Variants in TENM3 observed in about 807,000 individuals in gnomAD.
TENM3 encodes teneurin-3.
TENM3 carries 63 observed loss-of-function variants against 255.1 expected under a neutral mutation model. The observed-to-expected ratio is 0.25, with a 90% CI of 0.20 to 0.30. TENM3 has a LOEUF of 0.30. TENM3 is among the 10% of genes least tolerant of loss of function. The probability of loss-of-function intolerance (pLI) is 1.00; values close to 1 mark genes in which losing one functional copy is unlikely to be tolerated. For synonymous variants in TENM3, 1,306 were observed against 1,322.3 expected, an observed-to-expected ratio of 0.99 and a Z score of 0.27; for missense variants, 2,929 against 3,461.1, an observed-to-expected ratio of 0.85 and a Z score of 3.86.
At position 182,364,709 on chromosome 4, in the gene TENM3, G is replaced by A. The variant is rs528566421; in HGVS notation, c.511+17780G>A. Among the ~76,000 whole-genome samples the A allele has an allele frequency of 5.9e-5, 9 of 152,280 alleles. No individual in the cohort carries two copies. The East Asian group carries it at 1.5e-3, about 26-fold the overall frequency. The stretch of plus-strand genomic sequence containing the variant: ...GCTGGGGTTACAGGCGTGAGCCACC[G>A]CGCCCAGCCCCAACTTCAGTTTTCA... On this transcript the variant is annotated intron_variant, in intron 3 of 27. Transcript: ENST00000511685.
At chr4:181,802,919 G>T in the TENM3 span, among the ~76,000 whole-genome samples, 3 of 151,962 alleles carry the variant, frequency 2.0e-5, no homozygotes, top group Admixed American at 1.3e-4. Flanking sequence ...CCATTTGGGG[G>T]GTTTTATTTT....
At chr4:181,761,392 G>A in the TENM3 span, among the ~76,000 whole-genome samples, 1 of 151,970 alleles carries the variant, frequency 6.6e-6, no homozygotes, top group Non-Finnish European at 1.5e-5. Flanking sequence ...TCACTTATTT[G>A]TGCACAATAA....
the TENM3 span, among the ~76,000 whole-genome samples, chr4:182,092,018 C>G: frequency 6.6e-6 from 1 of 152,116 alleles, no homozygotes; most frequent in Non-Finnish European, 1.5e-5. Context: ...AGTTAGATTA[C>G]TGCATTTTTG....
At chr4:182,177,965 T>G (rs1402665521) in intron 1 of TENM3, among the ~76,000 whole-genome samples, 13 of 139,366 alleles carry the variant, frequency 9.3e-5, no homozygotes, top group African/African-American at 3.1e-4. Flanking sequence ...TTTGTTTTTT[T>G]TTTTTTTTTT....
At chr4:181,665,985 A>G in the TENM3 span, among the ~76,000 whole-genome samples, 1 of 152,152 alleles carries the variant, frequency 6.6e-6, no homozygotes, top group East Asian at 1.9e-4. Context: ...ATAGTTCTGT[A>G]TTCAAGCGTT....
chr4:181,564,435 G>T, the TENM3 span, among the ~76,000 whole-genome samples: 1 of 152,036 alleles, frequency 6.6e-6, no homozygotes, highest in Non-Finnish European at 1.5e-5. Context: ...TTAAACAAGG[G>T]GCAGAGCATG....
the TENM3 span, among the ~76,000 whole-genome samples, chr4:181,494,716 A>T: frequency 6.6e-6 from 1 of 152,112 alleles, no homozygotes; most frequent in Non-Finnish European, 1.5e-5. Flanking sequence ...TCCCTTCTGA[A>T]CCAATAAAAT....
At chr4:182,620,441 AC>A (rs1485242344) in intron 4 of TENM3, among the ~76,000 whole-genome samples, 2 of 152,136 alleles carry the variant, frequency 1.3e-5, no homozygotes, top group African/African-American at 4.8e-5. Flanking sequence ...TCCTTTCTGA[AC>A]CCCAAAACTA....
the TENM3 span, among the ~76,000 whole-genome samples, chr4:181,732,396 C>T: frequency 7.2e-5 from 11 of 152,132 alleles, no homozygotes; most frequent in Non-Finnish European, 1.5e-4. Flanking sequence ...TTTCCTATGT[C>T]AGTTTCTTAA....
At chr4:181,680,239 C>G in the TENM3 span, among the ~76,000 whole-genome samples, 2 of 152,054 alleles carry the variant, frequency 1.3e-5, no homozygotes, top group South Asian at 2.1e-4. Flanking sequence ...CTCTTTCTTT[C>G]TCTCTCAAGT....
chr4:182,041,443 C>T, the TENM3 span, among the ~76,000 whole-genome samples: 3 of 152,100 alleles, frequency 2.0e-5, no homozygotes, highest in Non-Finnish European at 4.4e-5. Flanking sequence ...TCTATGTGAA[C>T]ACATAAAATA....
the TENM3 span, among the ~76,000 whole-genome samples, chr4:182,061,235 A>C: frequency 1.3e-5 from 2 of 152,224 alleles, no homozygotes; most frequent in Non-Finnish European, 2.9e-5. Context: ...ACTGGCGAGG[A>C]AGTGGGCTCC....
At chr4:182,472,898 G>A (rs981707482) in intron 3 of TENM3, among the ~76,000 whole-genome samples, 1 of 151,976 alleles carries the variant, frequency 6.6e-6, no homozygotes, top group Non-Finnish European at 1.5e-5. Context: ...TCATTTTGTT[G>A]TTGTTGTGGA....
At chr4:182,485,588 T>C (rs965850017) in intron 3 of TENM3, among the ~76,000 whole-genome samples, 2 of 152,134 alleles carry the variant, frequency 1.3e-5, no homozygotes, top group African/African-American at 4.8e-5. Context: ...TTTTCAATAT[T>C]TGATACTTTG....
the TENM3 span, among the ~76,000 whole-genome samples, chr4:181,457,160 A>C: frequency 6.6e-6 from 1 of 151,866 alleles, no homozygotes; most frequent in South Asian, 2.1e-4. Flanking sequence ...ATATTAGAAA[A>C]ACCTGATTTT....
At chr4:181,699,504 A>G in the TENM3 span, among the ~76,000 whole-genome samples, 5 of 150,122 alleles carry the variant, frequency 3.3e-5, no homozygotes, top group African/African-American at 9.7e-5. Flanking sequence ...CTTTAGATAC[A>G]TTGCTAATAT....
At chr4:181,549,053 A>G in the TENM3 span, among the ~76,000 whole-genome samples, 2 of 152,156 alleles carry the variant, frequency 1.3e-5, no homozygotes, top group African/African-American at 2.4e-5. Flanking sequence ...ACAAACATCC[A>G]TGCTTCCAAA....
At chr4:182,516,277 G>C (rs1364715238) in intron 3 of TENM3, among the ~76,000 whole-genome samples, 3 of 152,106 alleles carry the variant, frequency 2.0e-5, no homozygotes, top group Non-Finnish European at 2.9e-5. Flanking sequence ...TATCTCACAG[G>C]CTTTTGATTA....
intron 7 of TENM3, among the ~76,000 whole-genome samples, chr4:182,673,468 T>A (rs1274647291): frequency 6.6e-6 from 1 of 152,188 alleles, no homozygotes; most frequent in Non-Finnish European, 1.5e-5. Context: ...TTAATGAATA[T>A]TGAGCATCAT....
Sources: gnomAD v4.1 joint callset for allele counts (sites outside exome capture counted in the v4.1 genomes callset) on GRCh38, gnomAD v4.1.1 for gene constraint, MANE v1.5 for transcripts, NCBI Gene and HGNC (gene_info 2026-07-23, HGNC 2026-07-21) for gene names.